The following SHANK1 variants were observed in gnomAD, a reference collection of about 807,000 sequenced individuals.
SHANK1 encodes SH3 and multiple ankyrin repeat domains protein 1.
A neutral mutation model predicts 165.6 loss-of-function variants in SHANK1; 35 were observed. That is an observed-to-expected ratio of 0.21 (90% CI 0.16 to 0.28). SHANK1 has a LOEUF of 0.28. Among genes scored for constraint, SHANK1 ranks in the 10% least tolerant of loss-of-function variants. The pLI, the probability that SHANK1 is intolerant of heterozygous loss-of-function variation, is 1.00. For synonymous variants in SHANK1, 1,428 were observed against 1,384.8 expected (o/e 1.03, Z -0.69); for missense variants, 2,681 against 3,036.4 (o/e 0.88, Z 2.75).
intron 10 of SHANK1, 27 bp downstream of exon 10, chr19:50,704,093 G>C (rs1026647615): frequency 8.1e-6 from 13 of 1,610,972 alleles, no homozygotes; most frequent in Admixed American, 1.7e-5. Flanking sequence ...CAGGTTCTCT[G>C]TGCAGTCCGA....
chr19:50,662,826 A>C lies in SHANK1; in HGVS notation c.5769-144T>G. The C allele has an allele frequency of 2.4e-6, 2 of 850,342 alleles. No homozygotes were observed. The highest frequency in any genetic ancestry group is 1.7e-5 in the South Asian group (1 of 58,584). The allele number at this position is 850,342 out of a possible 1,614,324, so 52.7% of individuals were successfully genotyped here. A position where few individuals can be genotyped will look rare whatever the true frequency, so the allele number is the denominator to read the frequency against. ...GAGAGACGGAGGAGAGACGGGAAGAAATGGAGGGAGCAAGGGGTAAGACGG... is the reference window on the plus strand; with the variant it reads ...GAGAGACGGAGGAGAGACGGGAAGACATGGAGGGAGCAAGGGGTAAGACGG... On this transcript the variant is annotated intron_variant, in intron 23 of 23. Transcript: ENST00000293441. This position sits in a 1 kb window ranked among gnomAD's most constrained non-coding sequence, Gnocchi z 7.7.
In SHANK1 at chr19:50,702,722, CAG is replaced by C. The variant is rs1986964716; in HGVS notation, c.1554-64_1554-63del. 2 of 1,112,076 alleles carry C rather than the reference CAG, an allele frequency of 1.8e-6. No individual in the cohort carries two copies. The highest frequency in any genetic ancestry group is 3.1e-5 in the South Asian group (2 of 64,464). The allele number at this position is 1,112,076 out of a possible 1,614,324, so 68.9% of individuals were successfully genotyped here. On this transcript the variant is annotated intron_variant, in intron 11 of 23. Transcript: ENST00000293441. This position sits in a 1 kb window ranked among gnomAD's most constrained non-coding sequence, Gnocchi z 5.3. ...GAGGGAGGGGACACCTCTGGGAGGA[CAG>C]GGGTCCTTGGGTGGGGGAAGAGGAC...
intron 8 of SHANK1, among the ~76,000 whole-genome samples, chr19:50,704,793 C>T (rs948366022): frequency 9.2e-5 from 14 of 152,266 alleles, no homozygotes; most frequent in African/African-American, 3.4e-4. Context: ...TATAGCCAGG[C>T]GTGGTGGCTC....
In SHANK1 at chr19:50,668,538, G is replaced by T. The variant is rs375164837; in HGVS notation, c.3422C>A (p.Pro1141Gln). The T allele has an allele frequency of 9.6e-6, 13 of 1,355,610 alleles. No homozygotes were observed. The highest frequency in any genetic ancestry group is 1.2e-5 in the Non-Finnish European group (13 of 1,055,096). The allele number at this position is 1,355,610 out of a possible 1,614,324, so 84.0% of individuals were successfully genotyped here. ...CTCCGAGGGCGCGGCCACGGCGGGCGGCGGCTGCGGGGAGGCCGGGGACGT... is the reference window on the plus strand; with the variant it reads ...CTCCGAGGGCGCGGCCACGGCGGGCTGCGGCTGCGGGGAGGCCGGGGACGT... ...SPTSPASPQP[P>Q]PAVAAPSEKN... Residue 1141 changes from proline to glutamine, a missense_variant, in exon 23 of 24, where the codon CCG becomes CAG. Physicochemically the swap from Pro to Gln is moderately conservative, Grantham distance 76. Coordinates refer to ENST00000293441, the MANE Select transcript of SHANK1 (RefSeq NM_016148.5).
At position 50,685,490 on chromosome 19, in the gene SHANK1, G is replaced by A. The variant is rs1013098952; in HGVS notation, c.2577+747C>T. Among the ~76,000 whole-genome samples, 34 of 152,306 alleles carry A rather than the reference G, an allele frequency of 2.2e-4. 1 individual carries two copies. Among genetic ancestry groups the A allele is most frequent in the Admixed American group, 8.5e-4 (13 of 15,298 alleles). On this transcript the variant is annotated intron_variant, in intron 21 of 23. Coordinates refer to ENST00000293441, the MANE Select transcript of SHANK1 (RefSeq NM_016148.5). ...TGTAATCCCGGCACTTTGGAGGGCT[G>A]AGGCGGGCAGATCACTTGAGGCCAG...
chr19:50,668,763 T>C lies in SHANK1; in HGVS notation c.3197A>G (p.His1066Arg). ...GCCGCCCCCGCCCGCGCTGCCGTGG[T>C]GCGATGGGGACGGGGCCCCCGGGGT... The part of the protein sequence containing the change: ...SPTPGAPSPS[H>R]HGSAGGGGGS... Residue 1066 changes from histidine (H) to arginine (R), a missense_variant, in exon 23 of 24, where the codon CAC (histidine) becomes CGC (arginine). Physicochemically the swap from His to Arg is conservative, Grantham distance 29. Transcript: ENST00000293441. 6.3e-6 allele frequency: 8 copies of C among 1,272,316 alleles called. No individual in the cohort carries two copies. The highest frequency in any genetic ancestry group is 6.9e-6 in the Non-Finnish European group (7 of 1,015,950). The allele number at this position is 1,272,316 out of a possible 1,614,324, so 78.8% of individuals were successfully genotyped here.
Position 50,670,950 on chromosome 19 carries a change from C to T in SHANK1, c.2674+1068G>A, listed in dbSNP as rs904388799. Among the ~76,000 whole-genome samples, 10 of 151,708 alleles carry T rather than the reference C, an allele frequency of 6.6e-5. No homozygotes were observed. The highest frequency in any genetic ancestry group is 4.2e-4 in the South Asian group (2 of 4,790). On this transcript the variant is annotated intron_variant, in intron 22 of 23. Coordinates refer to ENST00000293441, the MANE Select transcript of SHANK1 (RefSeq NM_016148.5). The surrounding 1 kb of genome is among the most constrained non-coding windows in gnomAD (Gnocchi z 4.1). ...CTGGGATTACAGGCACATGCCACCA[C>T]GCTTGGCTAATTTTTGTATTTTTAG...
At position 50,662,477 on chromosome 19, in the gene SHANK1, G is replaced by A. The variant is rs999889431; in HGVS notation, c.5974C>T (p.Pro1992Ser). Residue 1992 changes from proline to serine, a missense_variant, in exon 24 of 24, where the codon CCC (proline) becomes TCC (serine). Pro to Ser is a moderately conservative substitution (Grantham distance 74, BLOSUM62 -1). Transcript: ENST00000293441. The surrounding 1 kb of genome is among the most constrained non-coding windows in gnomAD (Gnocchi z 7.7). ...HLQGVEFEMR[P>S]PLLRRAPSPS... ...CTGGGGGCCCGGCGGAGCAGAGGGGGCCGCATCTCGAACTCCACGCCCTGG... is the reference window on the plus strand; with the variant it reads ...CTGGGGGCCCGGCGGAGCAGAGGGGACCGCATCTCGAACTCCACGCCCTGG... 36 of 1,552,640 alleles carry A rather than the reference G, an allele frequency of 2.3e-5. No individual in the cohort carries two copies. The highest frequency in any genetic ancestry group is 2.9e-5 in the Non-Finnish European group (33 of 1,148,930).
In SHANK1 at chr19:50,669,013, G is replaced by T. The variant is rs1985689126; in HGVS notation, c.2947C>A (p.Arg983Ser). ...CCACTGTGGTACAGGCTCTTCTCGC[G>T]GCTCCCCACGCGAGTGTCGGGAGGG... is the stretch of plus-strand genomic sequence containing the variant. ...PSPPDTRVGS[R>S]EKSLYHSGPL... Residue 983 changes from arginine to serine, a missense_variant, in exon 23 of 24, where the codon CGC becomes AGC. Arg to Ser is a moderately radical substitution (Grantham distance 110). Around this residue, in one of 10 missense-constraint regions of SHANK1, gnomAD observed 1,713 missense variants for 1,630.2 expected, o/e 1.05. Transcript: ENST00000293441. 3 of 839,008 alleles carry T rather than the reference G, an allele frequency of 3.6e-6. No homozygotes were observed. The highest frequency in any genetic ancestry group is 3.6e-5 in the South Asian group (2 of 55,708). The allele number at this position is 839,008 out of a possible 1,614,324, so 52.0% of individuals were successfully genotyped here.
rs899684162 is a variant in SHANK1 at position 50,713,758 on chromosome 19, AG to A, written c.792+39del. 2 of 1,607,664 alleles carry A rather than the reference AG, an allele frequency of 1.2e-6. No individual in the cohort carries two copies. Among genetic ancestry groups the A allele is most frequent in the Non-Finnish European group, 1.7e-6 (2 of 1,177,012 alleles). Reference sequence around the variant, plus strand: ...AGAAAGAACAAAGGGAAAAGGAGAGAGGGCCCCATGGCGGGGATGGGGGGTC... The same window carrying A: ...AGAAAGAACAAAGGGAAAAGGAGAGAGGCCCCATGGCGGGGATGGGGGGTC... On this transcript the variant is annotated intron_variant, in intron 6 of 23. Coordinates refer to ENST00000293441, the MANE Select transcript of SHANK1 (RefSeq NM_016148.5). The surrounding 1 kb of genome is among the most constrained non-coding windows in gnomAD (Gnocchi z 6.2).
At chr19:50,687,339 T>C (rs967561428) in intron 19 of SHANK1, among the ~76,000 whole-genome samples, 3 of 151,312 alleles carry the variant, frequency 2.0e-5, no homozygotes, top group Admixed American at 6.6e-5. Context: ...GCAGAGAGGG[T>C]ACATACAGAC....
At chr19:50,681,054 C>A (rs1015219113) in intron 21 of SHANK1, among the ~76,000 whole-genome samples, 1 of 152,036 alleles carries the variant, frequency 6.6e-6, no homozygotes, top group Non-Finnish European at 1.5e-5. Flanking sequence ...CCCACTGCAT[C>A]TAGACCAGAG....
At position 50,666,929 on chromosome 19, in the gene SHANK1, C is replaced by A. The variant is rs1489749841; in HGVS notation, c.5031G>T (p.Glu1677Asp). ...PPPGTDSGIE[E>D]VDSRSSSDHP... ...GGTCACTGCTGCTCCGACTGTCCAC[C>A]TCCTCGATGCCAGAATCCGTGCCAG... The change falls in exon 23 of 24, where the codon GAG becomes GAT. Residue 1677 changes from glutamate to aspartate, a missense_variant. Around this residue, in one of 10 missense-constraint regions of SHANK1, gnomAD observed 1,713 missense variants for 1,630.2 expected, o/e 1.05. Transcript: ENST00000293441. 1.2e-6 allele frequency: 2 copies of A among 1,601,744 alleles called. No individual in the cohort carries two copies. The highest frequency in any genetic ancestry group is 1.7e-6 in the Non-Finnish European group (2 of 1,174,624).
intron 15 of SHANK1, among the ~76,000 whole-genome samples, chr19:50,695,578 G>C (rs1599860859): frequency 6.6e-6 from 1 of 151,944 alleles, no homozygotes; most frequent in East Asian, 1.9e-4. Flanking sequence ...TAGAGAGCGC[G>C]GGGAGAGGGA....
Position 50,668,159 on chromosome 19 carries a change from G to T in SHANK1, c.3801C>A (p.Gly1267=). ...FLSTDAGDED[G]GDGGLGTGAA... ...CCCCTGTGCCCAGCCCGCCGTCCCC[G>T]CCGTCCTCGTCCCCCGCGTCGGTGG... The change falls in exon 23 of 24, where the codon GGC becomes GGA. Residue 1267 remains glycine, a synonymous_variant. Coordinates refer to ENST00000293441, the MANE Select transcript of SHANK1 (RefSeq NM_016148.5). The T allele has an allele frequency of 1.4e-6, 2 of 1,461,902 alleles. No individual in the cohort carries two copies. The highest frequency in any genetic ancestry group is 2.9e-5 in the African/African-American group (2 of 67,844). The allele number at this position is 1,461,902 out of a possible 1,614,324, so 90.6% of individuals were successfully genotyped here.
At position 50,703,752 on chromosome 19, in the gene SHANK1, A is replaced by G; in HGVS notation, c.1301T>C (p.Leu434Pro). ...GCTGGTGTCACTGTTGGCCCGCAGC[A>G]GCGCCGGGGGCACCGTCAGCCCTGT... ...PGTGLTVPPALLRANSDTSMA... is the reference protein window; with the variant it reads ...PGTGLTVPPAPLRANSDTSMA... The change falls in exon 11 of 24, where the codon CTG (leucine) becomes CCG (proline). Residue 434 changes from leucine to proline, a missense_variant. Coordinates refer to ENST00000293441, the MANE Select transcript of SHANK1 (RefSeq NM_016148.5). 7.0e-7 allele frequency: 1 copy of G among 1,433,412 alleles called. No homozygotes were observed. The highest frequency in any genetic ancestry group is 2.9e-5 in the Admixed American group (1 of 35,022). The allele number at this position is 1,433,412 out of a possible 1,614,324, so 88.8% of individuals were successfully genotyped here. A position where few individuals can be genotyped will look rare whatever the true frequency, so the allele number is the denominator to read the frequency against.
At chr19:50,669,431 C>T in intron 22 of SHANK1, 146 bp from the exon 23 acceptor site, 1 of 637,070 alleles carries the variant, frequency 1.6e-6, no homozygotes, top group South Asian at 1.9e-5. Flanking sequence ...CCAGCTCTTC[C>T]CTATTTGAGG....
Position 50,690,842 on chromosome 19 carries a change from G to A in SHANK1, c.1965-1563C>T, listed in dbSNP as rs1986515802. Among the ~76,000 whole-genome samples the A allele has an allele frequency of 6.6e-6, 1 of 151,896 alleles. No individual in the cohort carries two copies. Among genetic ancestry groups the A allele is most frequent in the South Asian group, 2.1e-4 (1 of 4,806 alleles). On this transcript the variant is annotated intron_variant, in intron 15 of 23. Coordinates refer to ENST00000293441, the MANE Select transcript of SHANK1 (RefSeq NM_016148.5). The surrounding 1 kb of genome is among the most constrained non-coding windows in gnomAD (Gnocchi z 4.9). ...AGCAAATGCCAATAATACTTACTGTGCTCCACTGTATTTAGGTACCACCCC... is the reference window on the plus strand; with the variant it reads ...AGCAAATGCCAATAATACTTACTGTACTCCACTGTATTTAGGTACCACCCC...
At position 50,670,824 on chromosome 19, in the gene SHANK1, C is replaced by T. The variant is rs187345796; in HGVS notation, c.2674+1194G>A. ...TTTCTTTTTTTTTGAGACAGAGTCT[C>T]GCTCTGTCGCCCAGGCTGGAGTGCA... On this transcript the variant is annotated intron_variant, in intron 22 of 23. Coordinates refer to ENST00000293441, the MANE Select transcript of SHANK1 (RefSeq NM_016148.5). The surrounding 1 kb of genome is among the most constrained non-coding windows in gnomAD (Gnocchi z 4.1). Among the ~76,000 whole-genome samples the T allele has an allele frequency of 5.1e-4, 77 of 151,962 alleles. No individual in the cohort carries two copies. In the East Asian group the frequency reaches 6.0e-3, roughly 12 times the overall value.
Sources: allele counts gnomAD v4.1 joint callset (sites outside exome capture counted in the v4.1 genomes callset), GRCh38; gene constraint gnomAD v4.1.1; regional missense constraint gnomAD v4.1.1; non-coding constraint Gnocchi (gnomAD v3.1); transcripts MANE v1.5; gene names NCBI Gene and HGNC (gene_info 2026-07-23, HGNC 2026-07-21).